The following SPAG9 variants were observed in gnomAD, a reference collection of about 807,000 sequenced individuals.
SPAG9 encodes the protein sperm associated antigen 9.
A neutral mutation model predicts 166.5 loss-of-function variants in SPAG9; 35 were observed. The ratio of observed to expected loss-of-function variants is 0.21; its 90% CI spans 0.16 to 0.28. The LOEUF is 0.28. Ranked by LOEUF, SPAG9 falls within the 10% of genes least tolerant of loss-of-function variation. The pLI is 1.00. For synonymous variants in SPAG9, 534 were observed against 565.5 expected (o/e 0.94, Z 0.79); for missense variants, 1,235 against 1,603.3 (o/e 0.77, Z 3.92).
intron 29 of SPAG9, among the ~76,000 whole-genome samples, chr17:50,966,676 G>A (rs971581913): frequency 2.2e-4 from 33 of 152,148 alleles, no homozygotes; most frequent in Admixed American, 1.1e-3. Context: ...GCATACCGAT[G>A]GTCCAGACAT....
Position 51,034,953 on chromosome 17 carries a change from A to G in SPAG9, c.742-3231T>C, listed in dbSNP as rs141593697. On this transcript the variant is annotated intron_variant, in intron 5 of 29. Transcript: ENST00000262013. ...ACTCTTCAAAAGTCTCAAGGTCATG[A>G]AAGACAAGACAAGACTGAGGAACTG... 5.3e-5 allele frequency among the ~76,000 whole-genome samples: 8 copies of G among 152,356 alleles called. No individual in the cohort carries two copies. In the East Asian group the frequency reaches 1.5e-3, roughly 29 times the overall value.
intron 1 of SPAG9, among the ~76,000 whole-genome samples, chr17:51,106,480 GCTA>G (rs1457665196): frequency 6.6e-6 from 1 of 151,996 alleles, no homozygotes; most frequent in Non-Finnish European, 1.5e-5. Flanking sequence ...TTCATTAGTG[GCTA>G]CATCCCCAGG....
chr17:51,050,905 G>A (rs2047160877), intron 3 of SPAG9, among the ~76,000 whole-genome samples: 2 of 149,908 alleles, frequency 1.3e-5, no homozygotes, highest in Admixed American at 1.3e-4. Context: ...ACATTCAGGA[G>A]TCAATTCAGC....
intron 8 of SPAG9, among the ~76,000 whole-genome samples, chr17:51,016,878 G>A (rs2045720125): frequency 6.6e-6 from 1 of 152,160 alleles, no homozygotes; most frequent in Admixed American, 6.5e-5. Flanking sequence ...TCCAGCCTGG[G>A]CGACAAAGCG....
intron 4 of SPAG9, among the ~76,000 whole-genome samples, chr17:51,042,062 C>A (rs926243821): frequency 1.3e-5 from 2 of 152,110 alleles, no homozygotes; most frequent in South Asian, 4.1e-4. Context: ...TCTCGCTAAT[C>A]CCTGGATGTT....
At chr17:51,092,015 G>A (rs530881339) in intron 1 of SPAG9, among the ~76,000 whole-genome samples, 1 of 149,520 alleles carries the variant, frequency 6.7e-6, no homozygotes, top group Admixed American at 6.7e-5. Flanking sequence ...TTCCCTAAAG[G>A]TTGTTGCTTG....
At chr17:51,063,230 G>A (rs1184679824) in intron 2 of SPAG9, among the ~76,000 whole-genome samples, 2 of 151,806 alleles carry the variant, frequency 1.3e-5, no homozygotes, top group Non-Finnish European at 2.9e-5. Context: ...CCAACATGGC[G>A]AAACCCCATC....
chr17:50,993,685 G>GC, intron 19 of SPAG9, 79 bp downstream of exon 19: 1 of 1,407,734 alleles, frequency 7.1e-7, no homozygotes, highest in Non-Finnish European at 9.9e-7. Flanking sequence ...GTGCAGAACT[G>GC]CATCTTCAGC....
intron 1 of SPAG9, among the ~76,000 whole-genome samples, chr17:51,113,384 A>G (rs2049182222): frequency 6.6e-6 from 1 of 150,564 alleles, no homozygotes; most frequent in African/African-American, 2.4e-5. Flanking sequence ...AAGAAAAGAA[A>G]AAGCAAATAG....
chr17:51,034,920 T>C (rs2046527663), intron 5 of SPAG9, among the ~76,000 whole-genome samples: 1 of 152,092 alleles, frequency 6.6e-6, no homozygotes, highest in African/African-American at 2.4e-5. Context: ...ACAAAACAAC[T>C]AACCAGTACT....
intron 6 of SPAG9, chr17:51,031,424 T>C (rs777725985): frequency 2.0e-6 from 1 of 495,508 alleles, no homozygotes; most frequent in Non-Finnish European, 3.6e-6. Flanking sequence ...GCAAACAGGC[T>C]GAATTTCACA....
At position 50,985,737 on chromosome 17, in the gene SPAG9, A is replaced by C; in HGVS notation, c.2981T>G (p.Leu994Arg). ...HSSVAQWRKC[L>R]HSIKLKDSIL... ...CGAATCTTTAAGTTTAATGGAATGG[A>C]GACATTTCCTCCACTGGGCTACAGA... Residue 994 changes from leucine (L) to arginine (R), a missense_variant, in exon 23 of 30, where the codon CTC becomes CGC. Leu to Arg is a moderately radical substitution (Grantham distance 102). Coordinates refer to ENST00000262013, the MANE Select transcript of SPAG9 (RefSeq NM_001130528.3). 1 of 1,609,082 alleles carries C rather than the reference A, an allele frequency of 6.2e-7. No individual in the cohort carries two copies. The highest frequency in any genetic ancestry group is 1.1e-5 in the South Asian group (1 of 90,768).
intron 1 of SPAG9, among the ~76,000 whole-genome samples, chr17:51,092,729 CAT>C: frequency 1.0e-5 from 1 of 98,848 alleles, no homozygotes; most frequent in African/African-American, 4.0e-5. Flanking sequence ...GCCTGGGGAA[CAT>C]AGAGAGACCC....
In SPAG9 at chr17:51,120,840, T is replaced by C; in HGVS notation, c.-184A>G. On this transcript the variant is annotated 5_prime_UTR_variant, in exon 1 of 30. Coordinates refer to ENST00000262013, the MANE Select transcript of SPAG9 (RefSeq NM_001130528.3). The surrounding 1 kb of genome is among the most constrained non-coding windows in gnomAD (Gnocchi z 4.7). ...GAGGGGAGGGGTGGCGTAGGCGCTC[T>C]CACCCCAACCGCCGCTGCACCAACT... 1 of 395,894 alleles carries C rather than the reference T, an allele frequency of 2.5e-6. No homozygotes were observed. Among genetic ancestry groups the C allele is most frequent in the East Asian group, 4.3e-5 (1 of 23,500 alleles). The allele number at this position is 395,894 out of a possible 1,614,324, so 24.5% of individuals were successfully genotyped here.
At chr17:51,006,916 C>G (rs564941407) in intron 10 of SPAG9, among the ~76,000 whole-genome samples, 7 of 151,912 alleles carry the variant, frequency 4.6e-5, no homozygotes, top group Admixed American at 3.3e-4. Flanking sequence ...TAAAAGAAAC[C>G]CCAGGAGAAG....
At chr17:51,043,031 C>T (rs1376889128) in intron 4 of SPAG9, among the ~76,000 whole-genome samples, 1 of 152,172 alleles carries the variant, frequency 6.6e-6, no homozygotes, top group East Asian at 1.9e-4. Flanking sequence ...GCTGGGATTA[C>T]AGGCATTACC....
At chr17:51,065,859 A>G (rs2047647969) in intron 2 of SPAG9, among the ~76,000 whole-genome samples, 1 of 152,208 alleles carries the variant, frequency 6.6e-6, no homozygotes, top group South Asian at 2.1e-4. Context: ...TAATGCAGGT[A>G]AGACAAACTT....
chr17:50,974,884 T>G lies in SPAG9; in HGVS notation c.3587A>C (p.Glu1196Ala), dbSNP rs1974105277. 1.2e-6 allele frequency: 2 copies of G among 1,613,456 alleles called. No individual in the cohort carries two copies. Among genetic ancestry groups the G allele is most frequent in the African/African-American group, 2.7e-5 (2 of 74,892 alleles). Reference protein sequence around the residue: ...PGSVIRVYGDENSDKVTPGTF... With the variant: ...PGSVIRVYGDANSDKVTPGTF... ...CCCTGGAGTCACTTTATCACTGTTT[T>G]CATCACCATATACACGGATTACACT... Residue 1196 changes from glutamate to alanine, a missense_variant, in exon 28 of 30, where the codon GAA becomes GCA. Glu to Ala is a moderately radical substitution (Grantham distance 107). Transcript: ENST00000262013.
intron 10 of SPAG9, 78 bp from the exon 11 acceptor site, chr17:51,006,315 A>T: frequency 7.4e-7 from 1 of 1,353,238 alleles, no homozygotes; most frequent in Non-Finnish European, 1.0e-6. Context: ...TGTAGACTAA[A>T]CTGTACAACC....
Sources: gnomAD v4.1 joint callset for allele counts (sites outside exome capture counted in the v4.1 genomes callset) on GRCh38, gnomAD v4.1.1 for gene constraint, Gnocchi (gnomAD v3.1) non-coding constraint, MANE v1.5 for transcripts, NCBI Gene and HGNC (gene_info 2026-07-23, HGNC 2026-07-21) for gene names.